Variants in URB2 observed in about 807,000 individuals in gnomAD.
URB2 encodes unhealthy ribosome biogenesis protein 2 homolog.
URB2 carries 86 observed loss-of-function variants against 120.9 expected under a neutral mutation model. The ratio of observed to expected loss-of-function variants is 0.71; its 90% CI spans 0.60 to 0.85. The LOEUF (loss-of-function observed/expected upper bound fraction) is 0.85. Ranked by LOEUF, URB2 falls within the 40% of genes least tolerant of loss-of-function variation. The pLI is 0.00. For missense variants in URB2, 1,765 were observed against 1,836.5 expected, an observed-to-expected ratio of 0.96 and a Z score of 0.71; for synonymous variants, 755 against 758.4, an observed-to-expected ratio of 1.00 and a Z score of 0.07.
chr1:229,633,032 G>A (rs1220787532), intron 3 of URB2, among the ~76,000 whole-genome samples: 1 of 152,208 alleles, frequency 6.6e-6, no homozygotes, highest in Admixed American at 6.5e-5. Context: ...TGTGTGCCAG[G>A]CTCAAAGAAG....
chr1:229,637,079 T>C lies in URB2; in HGVS notation c.2466T>C (p.Ile822=), dbSNP rs762108369. The change falls in exon 4 of 10, where the codon ATT becomes ATC. Residue 822 remains isoleucine (I), a synonymous_variant. Transcript: ENST00000258243. ...LTCVTTSCSS[I]LCSGAQRDSG... is the part of the protein sequence containing the mutation. ...GCGTAACCACAAGTTGCTCCAGCATTCTGTGTTCTGGTGCCCAGCGTGACT... is the reference window on the plus strand; with the variant it reads ...GCGTAACCACAAGTTGCTCCAGCATCCTGTGTTCTGGTGCCCAGCGTGACT... 6.2e-7 allele frequency: 1 copy of C among 1,613,940 alleles called. No individual in the cohort carries two copies. The highest frequency in any genetic ancestry group is 1.1e-5 in the South Asian group (1 of 91,048).
chr1:229,635,835 T>A lies in URB2; in HGVS notation c.1222T>A (p.Trp408Arg). 1 of 1,614,134 alleles carries A rather than the reference T, an allele frequency of 6.2e-7. No homozygotes were observed. Among genetic ancestry groups the A allele is most frequent in the Non-Finnish European group, 8.5e-7 (1 of 1,179,956 alleles). Residue 408 changes from tryptophan (W) to arginine (R), a missense_variant, in exon 4 of 10, where the codon TGG becomes AGG. Coordinates refer to ENST00000258243, the MANE Select transcript of URB2 (RefSeq NM_014777.4). ...INHAQAPIPA[W>R]FRCLKTLISL... ...CCATGCACAAGCACCCATACCGGCCTGGTTCCGCTGTCTGAAGACTTTGAT... is the reference window on the plus strand; with the variant it reads ...CCATGCACAAGCACCCATACCGGCCAGGTTCCGCTGTCTGAAGACTTTGAT...
chr1:229,659,378 C>G lies in URB2; in HGVS notation c.*81C>G. On this transcript the variant is annotated 3_prime_UTR_variant, in exon 10 of 10. Transcript: ENST00000258243. ...TCTGAAAGAGCTGGAGAATGAAAGA[C>G]TTAAGATGTTCTAATTCGTAGTATT... is the stretch of plus-strand genomic sequence containing the variant. The G allele has an allele frequency of 7.0e-7, 1 of 1,438,258 alleles. No homozygotes were observed. The highest frequency in any genetic ancestry group is 9.6e-7 in the Non-Finnish European group (1 of 1,044,412). 89.1% of individuals were successfully genotyped at this position (1,438,258 alleles called of 1,614,324 possible).
intron 2 of URB2, 34 bp from the exon 3 acceptor site, chr1:229,632,235 A>G (rs760718468): frequency 6.7e-7 from 1 of 1,487,812 alleles, no homozygotes; most frequent in Non-Finnish European, 8.9e-7. Context: ...CAGCAAATAA[A>G]TTTATTTTCA....
chr1:229,637,066 G>T lies in URB2; in HGVS notation c.2453G>T (p.Ser818Ile). The T allele has an allele frequency of 6.2e-7, 1 of 1,614,018 alleles. No individual in the cohort carries two copies. Among genetic ancestry groups the T allele is most frequent in the Non-Finnish European group, 8.5e-7 (1 of 1,180,016 alleles). ...GCTTTCTTAACGTGCGTAACCACAA[G>T]TTGCTCCAGCATTCTGTGTTCTGGT... ...HSAFLTCVTT[S>I]CSSILCSGAQ... Residue 818 changes from serine to isoleucine, a missense_variant, in exon 4 of 10, where the codon AGT (serine) becomes ATT (isoleucine). Physicochemically the swap from Ser to Ile is moderately radical, Grantham distance 142. Transcript: ENST00000258243.
intron 2 of URB2, among the ~76,000 whole-genome samples, chr1:229,630,200 G>T (rs2102778804): frequency 6.6e-6 from 1 of 152,308 alleles, no homozygotes; most frequent in Admixed American, 6.5e-5. Flanking sequence ...CTTTCCAGAA[G>T]ATCTTCAGTT....
intron 9 of URB2, among the ~76,000 whole-genome samples, chr1:229,654,798 A>G (rs1666368710): frequency 6.6e-6 from 1 of 152,144 alleles, no homozygotes; most frequent in South Asian, 2.1e-4. Context: ...CAGCATTCCT[A>G]CAGGGTTATT....
rs755709966 is a variant in URB2 at position 229,638,031 on chromosome 1, T to A, written c.3418T>A (p.Ser1140Thr). The A allele has an allele frequency of 1.2e-6, 2 of 1,613,166 alleles. No individual in the cohort carries two copies. The highest frequency in any genetic ancestry group is 1.7e-6 in the Non-Finnish European group (2 of 1,179,490). ...CTGCAGGGATGGAGGGGCCGACATT[T>A]CCCAAGGAAGCGACAGGACGCTGCT... ...QHCRDGGADI[S>T]QGSDRTLLSH... Residue 1140 changes from serine (S) to threonine (T), a missense_variant, in exon 4 of 10, where the codon TCC becomes ACC. Coordinates refer to ENST00000258243, the MANE Select transcript of URB2 (RefSeq NM_014777.4).
chr1:229,653,948 T>TTG lies in URB2; in HGVS notation c.4238-300_4238-299insGT, dbSNP rs1666342850. ...ACTCCATCTTGGTGTTTTTTTTTTT[T>TTG]TTTTTTTTTTTTAAGTAATCCTAGA... On this transcript the variant is annotated intron_variant, in intron 8 of 9. Transcript: ENST00000258243. Among the ~76,000 whole-genome samples, 7 of 150,330 alleles carry TTG rather than the reference T, an allele frequency of 4.7e-5. No individual in the cohort carries two copies. The South Asian group carries it at 1.5e-3, about 32-fold the overall frequency.
chr1:229,628,360 G>A (rs1665585325), intron 2 of URB2, among the ~76,000 whole-genome samples: 1 of 149,750 alleles, frequency 6.7e-6, no homozygotes, highest in East Asian at 1.9e-4. Context: ...GTTTGAGGCT[G>A]CAATGAGCTA....
In URB2 at chr1:229,627,606, G is replaced by T. The variant is rs1486238834; in HGVS notation, c.-13-15G>T. On this transcript the variant is annotated splice_polypyrimidine_tract_variant and intron_variant, in intron 1 of 9. Coordinates refer to ENST00000258243, the MANE Select transcript of URB2 (RefSeq NM_014777.4). ...TTGTTATAGTATTTTTTTTCCCATT[G>T]TTTTTAAATTTTAGATAAAGCCTAG... The T allele has an allele frequency of 5.0e-6, 8 of 1,596,220 alleles. No homozygotes were observed. In the Admixed American group the frequency reaches 5.4e-5, roughly 11 times the overall value.
At chr1:229,629,548 A>G (rs1180810596) in intron 2 of URB2, among the ~76,000 whole-genome samples, 4 of 152,254 alleles carry the variant, frequency 2.6e-5, no homozygotes, top group African/African-American at 9.6e-5. Context: ...TAAGAATGCA[A>G]TAGCATTATG....
chr1:229,636,869 C>G lies in URB2; in HGVS notation c.2256C>G (p.Ser752=). 12 of 1,611,234 alleles carry G rather than the reference C, an allele frequency of 7.4e-6. No individual in the cohort carries two copies. The highest frequency in any genetic ancestry group is 1.0e-5 in the Non-Finnish European group (12 of 1,177,902). Residue 752 remains serine (S), a synonymous_variant, in exon 4 of 10, where the codon TCC becomes TCG. Transcript: ENST00000258243. The stretch of plus-strand genomic sequence containing the variant: ...TGTCAAATCTCACAATTTTAATATC[C>G]TATCTGTGTCCAGATGATGTGGGAT... ...LIVSNLTILI[S]YLCPDDVGYL...
chr1:229,638,361 T>G lies in URB2; in HGVS notation c.3634+114T>G. On this transcript the variant is annotated intron_variant, in intron 4 of 9. Transcript: ENST00000258243. Reference sequence around the variant, plus strand: ...TGATGTGTTCAAAAGGTACCACATGTGCGGCTGGGTGCGGTGGCTTACACC... The same window carrying G: ...TGATGTGTTCAAAAGGTACCACATGGGCGGCTGGGTGCGGTGGCTTACACC... 8 of 1,220,996 alleles carry G rather than the reference T, an allele frequency of 6.6e-6. 1 individual carries two copies. The highest frequency in any genetic ancestry group is 3.3e-5 in the South Asian group (2 of 60,560). The allele number at this position is 1,220,996 out of a possible 1,614,324, so 75.6% of individuals were successfully genotyped here.
At position 229,636,467 on chromosome 1, in the gene URB2, T is replaced by C. The variant is rs1476554281; in HGVS notation, c.1854T>C (p.Ala618=). 2 of 1,614,234 alleles carry C rather than the reference T, an allele frequency of 1.2e-6. No homozygotes were observed. The highest frequency in any genetic ancestry group is 2.2e-5 in the South Asian group (2 of 91,084). The change falls in exon 4 of 10, where the codon GCT becomes GCC. Residue 618 remains alanine (A), a synonymous_variant. Transcript: ENST00000258243. Reference sequence around the variant, plus strand: ...CTTACACTTGGGCCCAGGTGGACGCTATGTTCAGTTTGAACTGTAGCCAGT... The same window carrying C: ...CTTACACTTGGGCCCAGGTGGACGCCATGTTCAGTTTGAACTGTAGCCAGT... The part of the protein sequence containing the change: ...LLSYTWAQVD[A]MFSLNCSQYH...
At chr1:229,656,879 C>T (rs2102802685) in intron 9 of URB2, among the ~76,000 whole-genome samples, 2 of 152,310 alleles carry the variant, frequency 1.3e-5, no homozygotes, top group South Asian at 4.1e-4. Context: ...TACAGATGCT[C>T]CTGGACTTAG....
chr1:229,641,358 T>C (rs1283501572), intron 4 of URB2, among the ~76,000 whole-genome samples: 1 of 152,192 alleles, frequency 6.6e-6, no homozygotes, highest in Non-Finnish European at 1.5e-5. Context: ...CCTGGACTGC[T>C]GGTACCTTAT....
In URB2 at chr1:229,651,298, C is replaced by T. The variant is rs746722891; in HGVS notation, c.4213C>T (p.Arg1405Trp). The change falls in exon 8 of 10, where the codon CGG (arginine) becomes TGG (tryptophan). Residue 1405 changes from arginine (R) to tryptophan (W), a missense_variant. Coordinates refer to ENST00000258243, the MANE Select transcript of URB2 (RefSeq NM_014777.4). ...CAATAGATTGGTGTTTTCAGTTATG[C>T]GGGAAGGGCGGCAGAAGGACAAAGG... ...SFNRLVFSVMREGRQKDKGSI... is the reference protein window; with the variant it reads ...SFNRLVFSVMWEGRQKDKGSI... The T allele has an allele frequency of 1.9e-5, 30 of 1,611,448 alleles. No individual in the cohort carries two copies. The highest frequency in any genetic ancestry group is 3.4e-5 in the Admixed American group (2 of 59,516).
At chr1:229,650,273 G>A (rs888116664) in intron 7 of URB2, among the ~76,000 whole-genome samples, 3 of 152,178 alleles carry the variant, frequency 2.0e-5, no homozygotes, top group African/African-American at 4.8e-5. Context: ...AATGTGGCCA[G>A]TATGACTAGG....
Sources: gnomAD v4.1 joint callset for allele counts (sites outside exome capture counted in the v4.1 genomes callset) on GRCh38, gnomAD v4.1.1 for gene constraint, MANE v1.5 for transcripts, NCBI Gene and HGNC (gene_info 2026-07-23, HGNC 2026-07-21) for gene names.